Variants in TENM2 observed in about 807,000 individuals in gnomAD.
TENM2 encodes the protein teneurin transmembrane protein 2.
TENM2 carries 52 observed loss-of-function variants against 245.2 expected under a neutral mutation model. That is an observed-to-expected ratio of 0.21 (90% CI 0.17 to 0.27). The LOEUF is 0.27. TENM2 is among the 10% of genes least tolerant of loss of function. The probability of loss-of-function intolerance (pLI) is 1.00; values close to 1 mark genes in which losing one functional copy is unlikely to be tolerated. For missense variants in TENM2, 3,046 were observed against 3,666.8 expected (o/e 0.83, Z 4.37); for synonymous variants, 1,363 against 1,438.9 (o/e 0.95, Z 1.19).
At chr5:167,582,834 A>G (rs1405394418) in intron 2 of TENM2, among the ~76,000 whole-genome samples, 5 of 152,132 alleles carry the variant, frequency 3.3e-5, no homozygotes, top group African/African-American at 4.8e-5. Context: ...CCAAAACACT[A>G]TTTCTCTTTT....
chr5:168,254,105 C>T (rs1425598780), intron 27 of TENM2, among the ~76,000 whole-genome samples: 1 of 152,252 alleles, frequency 6.6e-6, no homozygotes, highest in Non-Finnish European at 1.5e-5. Flanking sequence ...CACTTAACAC[C>T]TGAAGGTGCT....
At chr5:167,434,070 A>G (rs1764397283) in intron 2 of TENM2, among the ~76,000 whole-genome samples, 1 of 151,310 alleles carries the variant, frequency 6.6e-6, no homozygotes, top group African/African-American at 2.5e-5. Flanking sequence ...CAGATATCCT[A>G]CTACATCTTA....
chr5:167,082,517 C>T, the TENM2 span, among the ~76,000 whole-genome samples: 1 of 152,098 alleles, frequency 6.6e-6, no homozygotes, highest in Non-Finnish European at 1.5e-5. Context: ...AAACTCCTGA[C>T]CTCAGGTGAT....
intron 2 of TENM2, among the ~76,000 whole-genome samples, chr5:167,508,659 TAA>T (rs1452140259): frequency 6.6e-6 from 1 of 152,198 alleles, no homozygotes; most frequent in Non-Finnish European, 1.5e-5. Context: ...AAGCTAATGT[TAA>T]GAGTTATTTA....
chr5:168,036,009 C>T (rs774396788), intron 5 of TENM2, among the ~76,000 whole-genome samples: 3 of 152,102 alleles, frequency 2.0e-5, no homozygotes, highest in African/African-American at 2.4e-5. Flanking sequence ...ACTTTCCAAA[C>T]GTGCCTATCT....
chr5:167,528,155 G>T (rs190347597), intron 2 of TENM2, among the ~76,000 whole-genome samples: 3 of 152,108 alleles, frequency 2.0e-5, no homozygotes, highest in Admixed American at 2.0e-4. Flanking sequence ...TGGAGGCTGC[G>T]AATTAGGGAG....
At chr5:168,054,091 G>GT (rs1789337150) in intron 6 of TENM2, among the ~76,000 whole-genome samples, 1 of 152,178 alleles carries the variant, frequency 6.6e-6, no homozygotes, top group South Asian at 2.1e-4. Context: ...ACTTGTTAAC[G>GT]TTCCTAGCGG....
At chr5:168,077,152 G>A (rs1490271648) in intron 7 of TENM2, among the ~76,000 whole-genome samples, 1 of 152,184 alleles carries the variant, frequency 6.6e-6, no homozygotes, top group Non-Finnish European at 1.5e-5. Context: ...CTCATTAAAT[G>A]TTAACTCATA....
the TENM2 span, among the ~76,000 whole-genome samples, chr5:167,128,336 C>T: frequency 8.5e-3 from 1,288 of 152,288 alleles, 8 homozygotes; most frequent in Non-Finnish European, 0.015. Context: ...ACCTTTCCAC[C>T]TCTTGCCACT....
the TENM2 span, among the ~76,000 whole-genome samples, chr5:167,232,533 T>C: frequency 1.3e-5 from 2 of 151,926 alleles, no homozygotes; most frequent in African/African-American, 2.4e-5. Flanking sequence ...CCACTGCTGC[T>C]AGCTAATTTT....
intron 2 of TENM2, among the ~76,000 whole-genome samples, chr5:167,511,903 A>T (rs983279103): frequency 9.2e-5 from 14 of 152,292 alleles, no homozygotes; most frequent in Admixed American, 8.5e-4. Flanking sequence ...ATGAAATTTG[A>T]GGTAGAATTT....
At chr5:167,454,515 CTGTG>C (rs1040514811) in intron 2 of TENM2, among the ~76,000 whole-genome samples, 6 of 151,368 alleles carry the variant, frequency 4.0e-5, no homozygotes, top group African/African-American at 9.7e-5. Flanking sequence ...TTTCTCATCT[CTGTG>C]TGTGTGCATG....
chr5:167,375,469 G>T, exon 2 of TENM2: 1 of 1,551,622 alleles, frequency 6.4e-7, no homozygotes, highest in Non-Finnish European at 8.7e-7. Flanking sequence ...CAGATGATGA[G>T]AACGGTAGGC....
At chr5:168,165,646 CA>C (rs1562237601) in intron 13 of TENM2, among the ~76,000 whole-genome samples, 37 of 18,588 alleles carry the variant, frequency 2.0e-3, no homozygotes, top group Non-Finnish European at 2.5e-3. Flanking sequence ...ATCCCCCCCC[CA>C]ACCCCCCCCC....
chr5:167,125,015 G>A, the TENM2 span, among the ~76,000 whole-genome samples: 3 of 152,146 alleles, frequency 2.0e-5, no homozygotes, highest in African/African-American at 7.2e-5. Context: ...GACATGTTAA[G>A]TGATGTTCCT....
intron 2 of TENM2, among the ~76,000 whole-genome samples, chr5:167,864,503 G>C (rs1772128980): frequency 6.6e-6 from 1 of 152,156 alleles, no homozygotes; most frequent in Admixed American, 6.5e-5. Flanking sequence ...CACTTACCTA[G>C]TAGTTGAACA....
chr5:168,049,423 A>G (rs1788886983), intron 6 of TENM2, among the ~76,000 whole-genome samples: 2 of 152,232 alleles, frequency 1.3e-5, no homozygotes, highest in South Asian at 2.1e-4. Flanking sequence ...AATTGTTTAT[A>G]TGTGTATACA....
chr5:168,203,593 G>A (rs1316111418), intron 17 of TENM2, 96 bp from the exon 20 acceptor site: 1 of 1,293,714 alleles, frequency 7.7e-7, no homozygotes, highest in Non-Finnish European at 1.1e-6. Context: ...CTGTATTACT[G>A]CGAACACGTG....
chr5:167,740,428 A>G (rs889257697), intron 2 of TENM2, among the ~76,000 whole-genome samples: 2 of 152,048 alleles, frequency 1.3e-5, no homozygotes, highest in Non-Finnish European at 1.5e-5. Flanking sequence ...GTGTTTTTGG[A>G]TTGTGCAGTC....
Sources: gnomAD v4.1 joint callset for allele counts (sites outside exome capture counted in the v4.1 genomes callset) on GRCh38, gnomAD v4.1.1 for gene constraint, MANE v1.5 for transcripts, NCBI Gene and HGNC (gene_info 2026-07-23, HGNC 2026-07-21) for gene names.